The following SLC1A2 variants were observed in gnomAD, a reference collection of about 807,000 sequenced individuals.
SLC1A2 encodes the protein excitatory amino acid transporter 2.
Under a neutral mutation model 48.8 loss-of-function variants are expected in SLC1A2, and 15 were observed. That is an observed-to-expected ratio of 0.31 (90% CI 0.21 to 0.47). SLC1A2 has a LOEUF of 0.47. Ranked by LOEUF, SLC1A2 falls within the 20% of genes least tolerant of loss-of-function variation. The probability of loss-of-function intolerance (pLI) is 0.99; values close to 1 mark genes in which losing one functional copy is unlikely to be tolerated. For missense variants in SLC1A2, 502 were observed against 730.5 expected (o/e 0.69, Z 3.61); for synonymous variants, 279 against 272.6 (o/e 1.02, Z -0.23).
At chr11:35,381,593 G>A (rs1854425137) in intron 1 of SLC1A2, among the ~76,000 whole-genome samples, 1 of 151,740 alleles carries the variant, frequency 6.6e-6, no homozygotes, top group Non-Finnish European at 1.5e-5. Context: ...ATCTTCAATA[G>A]CTGTCAATTT....
chr11:35,263,508 G>A (rs142396702), intron 10 of SLC1A2, among the ~76,000 whole-genome samples: 1 of 152,182 alleles, frequency 6.6e-6, no homozygotes, highest in East Asian at 1.9e-4. Flanking sequence ...TCAGGTGCTT[G>A]ATGTCCTTCA....
At chr11:35,415,445 A>G (rs745793528) in intron 1 of SLC1A2, among the ~76,000 whole-genome samples, 5 of 152,210 alleles carry the variant, frequency 3.3e-5, no homozygotes, top group Admixed American at 2.6e-4. Flanking sequence ...GCTGATTTCT[A>G]TATTATTGAA....
intron 9 of SLC1A2, among the ~76,000 whole-genome samples, chr11:35,278,643 C>A (rs143014170): frequency 6.6e-6 from 1 of 152,254 alleles, no homozygotes; most frequent in South Asian, 2.1e-4. Context: ...TCCCAGCTGT[C>A]CTTCCTCCCT....
At chr11:35,311,752 G>C (rs769968263) in intron 4 of SLC1A2, among the ~76,000 whole-genome samples, 4 of 151,874 alleles carry the variant, frequency 2.6e-5, no homozygotes, top group Non-Finnish European at 4.4e-5. Context: ...TGCCACGTTT[G>C]AGAACCACTG....
At position 35,265,607 on chromosome 11, in the gene SLC1A2, C is replaced by T. The variant is rs754031992; in HGVS notation, c.1573G>A (p.Asp525Asn). 6.2e-7 allele frequency: 1 copy of T among 1,612,978 alleles called. No individual in the cohort carries two copies. The highest frequency in any genetic ancestry group is 1.1e-5 in the South Asian group (1 of 91,048). Reference protein sequence around the residue: ...EMTKTQSIYDDMKNHRESNSN... With the variant: ...EMTKTQSIYDNMKNHRESNSN... ...TTGCTTTCCCTGTGGTTCTTCATGT[C>T]ATCATAAATGGATTGAGTCTTGGTC... Residue 525 changes from aspartate to asparagine, a missense_variant, in exon 10 of 11, where the codon GAC (aspartate) becomes AAC (asparagine). Physicochemically the swap from Asp to Asn is conservative, Grantham distance 23. This residue lies in a region of SLC1A2 where 102 missense variants were observed against 107.2 expected (regional missense o/e 0.95). Coordinates refer to ENST00000278379, the MANE Select transcript of SLC1A2 (RefSeq NM_004171.4).
intron 1 of SLC1A2, among the ~76,000 whole-genome samples, chr11:35,363,122 G>T (rs899364697): frequency 6.6e-6 from 1 of 152,192 alleles, no homozygotes; most frequent in African/African-American, 2.4e-5. Context: ...TGCACACCCT[G>T]CCTCTCACTG....
chr11:35,322,955 C>A (rs1366776260), intron 1 of SLC1A2: 2 of 591,876 alleles, frequency 3.4e-6, no homozygotes, highest in South Asian at 4.0e-5. Context: ...GTAAGACCTG[C>A]CTTAACTGTG....
intron 5 of SLC1A2, among the ~76,000 whole-genome samples, chr11:35,303,264 G>A (rs1851405485): frequency 6.6e-6 from 1 of 152,130 alleles, no homozygotes; most frequent in Admixed American, 6.5e-5. Context: ...AACCCAGATT[G>A]TCTAACTACC....
chr11:35,390,662 C>CTTTTTTTTTTTTTTTTTTTT (rs35511500), intron 1 of SLC1A2: 3 of 136,004 alleles, frequency 2.2e-5, no homozygotes, highest in Non-Finnish European at 4.8e-5. Flanking sequence ...AAAATCTATT[C>CTTTTTTTTTTTTTTTTTTTT]TTTTTTTTTT....
At chr11:35,284,631 A>G (rs1161108278) in intron 8 of SLC1A2, among the ~76,000 whole-genome samples, 1 of 152,108 alleles carries the variant, frequency 6.6e-6, no homozygotes, top group Non-Finnish European at 1.5e-5. Context: ...GTGAACTCAG[A>G]TGCATATGGG....
chr11:35,396,295 A>C (rs1430628982), intron 1 of SLC1A2, among the ~76,000 whole-genome samples: 3 of 117,766 alleles, frequency 2.5e-5, no homozygotes, highest in African/African-American at 3.6e-5. Context: ...TCCCACCAAC[A>C]GTGTAAAAGT....
chr11:35,281,440 G>T (rs935582118), intron 8 of SLC1A2, among the ~76,000 whole-genome samples: 2 of 152,168 alleles, frequency 1.3e-5, no homozygotes, highest in Admixed American at 6.5e-5. Flanking sequence ...TGTGGCAAGG[G>T]TCTAAGAAGG....
At chr11:35,380,802 G>A (rs1024854605) in intron 1 of SLC1A2, among the ~76,000 whole-genome samples, 1 of 152,168 alleles carries the variant, frequency 6.6e-6, no homozygotes, top group African/African-American at 2.4e-5. Flanking sequence ...AGTGCCTCTG[G>A]GTATTTTTAG....
Position 35,258,652 on chromosome 11 carries a change from T to C in SLC1A2, c.*2242A>G, listed in dbSNP as rs754153585. On this transcript the variant is annotated 3_prime_UTR_variant, in exon 11 of 11. Transcript: ENST00000278379. ...CCTATAACATTTGCTGTAAAGAATG[T>C]ATTTTCTGGCCGGGCACGGTGGCTC... is the stretch of plus-strand genomic sequence containing the variant. 1 of 152,470 alleles carries C rather than the reference T, an allele frequency of 6.6e-6. No homozygotes were observed. The highest frequency in any genetic ancestry group is 2.4e-5 in the African/African-American group (1 of 41,450). The allele number at this position is 152,470 out of a possible 1,614,324, so 9.4% of individuals were successfully genotyped here.
intron 6 of SLC1A2, among the ~76,000 whole-genome samples, chr11:35,295,736 C>T (rs541238330): frequency 1.2e-3 from 178 of 152,308 alleles, no homozygotes; most frequent in African/African-American, 3.9e-3. Flanking sequence ...GAGTCTTTTT[C>T]TTACTACTGT....
At chr11:35,289,698 T>C (rs1017383160) in intron 7 of SLC1A2, among the ~76,000 whole-genome samples, 2 of 152,272 alleles carry the variant, frequency 1.3e-5, no homozygotes, top group African/African-American at 4.8e-5. Flanking sequence ...AAAAGTCATA[T>C]TGTATTAACT....
chr11:35,409,847 T>C (rs1855407638), intron 1 of SLC1A2, among the ~76,000 whole-genome samples: 2 of 152,088 alleles, frequency 1.3e-5, no homozygotes, highest in African/African-American at 4.8e-5. Flanking sequence ...AGGTGGAAGC[T>C]GCAGTGAGCC....
At chr11:35,287,040 GT>G (rs1253916640) in intron 7 of SLC1A2, 89 bp from the exon 8 acceptor site, 1 of 1,001,654 alleles carries the variant, frequency 1.0e-6, no homozygotes, top group Non-Finnish European at 1.5e-6. Context: ...TGCATCCTTA[GT>G]TTTTCTTGTT....
At position 35,343,699 on chromosome 11, in the gene SLC1A2, T is replaced by C. The variant is rs115058450; in HGVS notation, c.18-26183A>G. ...CCCTAGCACATCAGTAGCAGTAGTATTAGCATCCCCATTTTCAAATGGAGA... is the reference window on the plus strand; with the variant it reads ...CCCTAGCACATCAGTAGCAGTAGTACTAGCATCCCCATTTTCAAATGGAGA... On this transcript the variant is annotated intron_variant, in intron 1 of 10. Coordinates refer to ENST00000278379, the MANE Select transcript of SLC1A2 (RefSeq NM_004171.4). 1.6e-3 allele frequency among the ~76,000 whole-genome samples: 244 copies of C among 152,156 alleles called. 1 individual carries two copies. Among genetic ancestry groups the C allele is most frequent in the African/African-American group, 5.7e-3 (237 of 41,502 alleles).
Sources: allele counts gnomAD v4.1 joint callset (sites outside exome capture counted in the v4.1 genomes callset), GRCh38; gene constraint gnomAD v4.1.1; regional missense constraint gnomAD v4.1.1; transcripts MANE v1.5; gene names NCBI Gene and HGNC (gene_info 2026-07-23, HGNC 2026-07-21).